The following PALS1 variants were observed in gnomAD, a reference collection of about 807,000 sequenced individuals.
The protein encoded by PALS1 is protein associated with LIN7 1, MAGUK p55 family member.
In PALS1, 31 loss-of-function variants were observed where a neutral mutation model predicts 78.9. The ratio of observed to expected loss-of-function variants is 0.39; its 90% CI spans 0.30 to 0.53. The LOEUF (loss-of-function observed/expected upper bound fraction) is 0.53. PALS1 is among the 20% of genes least tolerant of loss of function. PALS1 has a pLI of 0.67. For missense variants in PALS1, 704 were observed against 826.5 expected (o/e 0.85, Z 1.82); for synonymous variants, 276 against 270.9 (o/e 1.02, Z -0.18).
At chr14:67,257,039 A>T (rs866794646) in intron 1 of PALS1, among the ~76,000 whole-genome samples, 3 of 151,900 alleles carry the variant, frequency 2.0e-5, no homozygotes, top group African/African-American at 7.3e-5. Flanking sequence ...TTTTAGGGAG[A>T]CATGAGACAT....
intron 1 of PALS1, among the ~76,000 whole-genome samples, chr14:67,247,157 T>C (rs1406626573): frequency 1.3e-5 from 2 of 152,256 alleles, no homozygotes; most frequent in East Asian, 1.9e-4. Flanking sequence ...TCTTAATAAT[T>C]TGAGTCTTCT....
intron 1 of PALS1, among the ~76,000 whole-genome samples, chr14:67,247,207 T>C (rs1460762035): frequency 2.6e-5 from 4 of 152,240 alleles, no homozygotes; most frequent in Non-Finnish European, 5.9e-5. Context: ...TATGTGAGTA[T>C]TGTAGTTTTC....
intron 3 of PALS1, among the ~76,000 whole-genome samples, chr14:67,289,012 G>A (rs1224754166): frequency 7.1e-6 from 1 of 141,694 alleles, no homozygotes; most frequent in Admixed American, 7.5e-5. Flanking sequence ...TGTCATCTAG[G>A]CTAGAGTGCA....
intron 3 of PALS1, among the ~76,000 whole-genome samples, chr14:67,284,445 C>A (rs373981734): frequency 1.2e-3 from 103 of 84,662 alleles, no homozygotes; most frequent in East Asian, 8.0e-3. Flanking sequence ...AAAAAAAAAA[C>A]AGCTGGGCAT....
intron 1 of PALS1, among the ~76,000 whole-genome samples, chr14:67,248,703 C>G (rs2084021218): frequency 6.6e-6 from 1 of 152,162 alleles, no homozygotes; most frequent in Non-Finnish European, 1.5e-5. Context: ...GTACTCAGTT[C>G]TGTTGTTAGA....
chr14:67,325,907 C>T (rs978653432), intron 14 of PALS1, among the ~76,000 whole-genome samples: 29 of 150,976 alleles, frequency 1.9e-4, no homozygotes, highest in African/African-American at 6.8e-4. Context: ...CTCCTGGGTT[C>T]GAGCTATTCT....
chr14:67,252,646 A>T (rs906968189), intron 1 of PALS1, among the ~76,000 whole-genome samples: 11 of 152,210 alleles, frequency 7.2e-5, no homozygotes, highest in African/African-American at 2.7e-4. Context: ...ATTGAATTGT[A>T]GGACACCCAG....
intron 1 of PALS1, among the ~76,000 whole-genome samples, chr14:67,253,732 T>C (rs1490588505): frequency 2.0e-5 from 3 of 151,968 alleles, no homozygotes; most frequent in Admixed American, 2.0e-4. Context: ...TCCCAGCTAC[T>C]TGGGAGGCTC....
chr14:67,284,180 A>C (rs1368824533), intron 3 of PALS1, among the ~76,000 whole-genome samples: 1 of 152,122 alleles, frequency 6.6e-6, no homozygotes, highest in African/African-American at 2.4e-5. Context: ...GTAGTCCATA[A>C]AATTTGTGGA....
chr14:67,286,787 G>A (rs368178354), intron 3 of PALS1, among the ~76,000 whole-genome samples: 7 of 144,702 alleles, frequency 4.8e-5, no homozygotes, highest in Non-Finnish European at 1.0e-4. Flanking sequence ...AACCTGAGAA[G>A]TTGAGGCTGC....
intron 9 of PALS1, among the ~76,000 whole-genome samples, chr14:67,315,466 TG>T (rs937615397): frequency 1.3e-5 from 2 of 151,942 alleles, no homozygotes; most frequent in Non-Finnish European, 2.9e-5. Context: ...TTAGTAGAGA[TG>T]GGGTTTCACC....
intron 1 of PALS1, among the ~76,000 whole-genome samples, chr14:67,250,277 AATTT>A (rs1235146209): frequency 6.6e-6 from 1 of 152,174 alleles, no homozygotes; most frequent in East Asian, 1.9e-4. Context: ...ATGCATTAAC[AATTT>A]ATTCTTTTTT....
chr14:67,265,856 CAAAA>C (rs748481179), intron 1 of PALS1, among the ~76,000 whole-genome samples: 1 of 75,434 alleles, frequency 1.3e-5, no homozygotes. Flanking sequence ...GACTCCATCT[CAAAA>C]AAAAAAAAAA....
chr14:67,279,583 A>G, intron 3 of PALS1, 46 bp downstream of exon 3: 2 of 1,481,540 alleles, frequency 1.3e-6, no homozygotes, highest in Non-Finnish European at 1.8e-6. Context: ...GCTTTAATTT[A>G]TCTGTGCCTT....
At chr14:67,326,633 TC>T in intron 14 of PALS1, among the ~76,000 whole-genome samples, 1 of 152,222 alleles carries the variant, frequency 6.6e-6, no homozygotes, top group South Asian at 2.1e-4. Context: ...TTAATACCCC[TC>T]CATTCTTTCT....
In PALS1 at chr14:67,323,261, G is replaced by GTGTGTATATATATA. The variant is rs1429954753; in HGVS notation, c.1741-440_1741-439insGTGTATATATATAT. Among the ~76,000 whole-genome samples the GTGTGTATATATATA allele has an allele frequency of 1.7e-3, 207 of 124,166 alleles. 1 individual carries two copies. The highest frequency in any genetic ancestry group is 8.3e-3 in the Middle Eastern group (2 of 242). 81.5% of individuals were successfully genotyped at this position (124,166 alleles called of 152,430 possible). ...TGTGTGTGTGTGTGTGTGTGTGTGT[G>GTGTGTATATATATA]TATATATATATATGGCTTCACAGTA... On this transcript the variant is annotated intron_variant, in intron 13 of 14. Transcript: ENST00000261681.
At position 67,263,958 on chromosome 14, in the gene PALS1, A is replaced by G. The variant is rs149149327; in HGVS notation, c.-236-5743A>G. Among the ~76,000 whole-genome samples, 257 of 152,292 alleles carry G rather than the reference A, an allele frequency of 1.7e-3. 5 individuals carry two copies. In the East Asian group the frequency reaches 0.037, roughly 22 times the overall value. ...AGGCTGGTGTATGCTATTCACAGGC[A>G]TGATGATAGCCCCACTATAGCCGTG... On this transcript the variant is annotated intron_variant, in intron 1 of 14. Transcript: ENST00000261681.
Position 67,309,992 on chromosome 14 carries a change from GT to G in PALS1, c.1042-2523del, listed in dbSNP as rs555819051. Among the ~76,000 whole-genome samples, 196 of 140,884 alleles carry G rather than the reference GT, an allele frequency of 1.4e-3. 1 individual carries two copies. The highest frequency in any genetic ancestry group is 7.4e-3 in the Middle Eastern group (2 of 270). The allele number at this position is 140,884 out of a possible 152,430, so 92.4% of individuals were successfully genotyped here. ...AAAATTCCATTTTTAGATTCTCAAG[GT>G]TTTTTTTTTTTGGCAAAAAAGTAAC... On this transcript the variant is annotated intron_variant, in intron 8 of 14. Coordinates refer to ENST00000261681, the MANE Select transcript of PALS1 (RefSeq NM_022474.4).
chr14:67,246,029 C>G (rs1284694434), intron 1 of PALS1, among the ~76,000 whole-genome samples: 2 of 151,982 alleles, frequency 1.3e-5, no homozygotes, highest in Non-Finnish European at 2.9e-5. Context: ...TTGTATTCCT[C>G]TTGTCTCTTT....
Sources: gnomAD v4.1 joint callset for allele counts (sites outside exome capture counted in the v4.1 genomes callset) on GRCh38, gnomAD v4.1.1 for gene constraint, MANE v1.5 for transcripts, NCBI Gene and HGNC (gene_info 2026-07-23, HGNC 2026-07-21) for gene names.